Variants in RPN1 observed in about 807,000 individuals in gnomAD.
The protein encoded by RPN1 is ribophorin I, also known as dolichyl-diphosphooligosaccharide--protein glycosyltransferase subunit 1.
A neutral mutation model predicts 55.5 loss-of-function variants in RPN1; 12 were observed. That is an observed-to-expected ratio of 0.22 (90% CI 0.14 to 0.35). RPN1 has a LOEUF of 0.35. Ranked by LOEUF, RPN1 falls within the 10% of genes least tolerant of loss-of-function variation. The pLI, the probability that RPN1 is intolerant of heterozygous loss-of-function variation, is 1.00. For synonymous variants in RPN1, 317 were observed against 305.9 expected, an observed-to-expected ratio of 1.04 and a Z score of -0.38; for missense variants, 679 against 761.3, an observed-to-expected ratio of 0.89 and a Z score of 1.27.
chr3:128,625,561 A>G lies in RPN1; in HGVS notation c.1368T>C (p.Tyr456=), dbSNP rs765274529. Residue 456 remains tyrosine (Y), a synonymous_variant, in exon 8 of 10, where the codon TAT becomes TAC. Transcript: ENST00000296255. ...FYILFFTVII[Y]VRLDFSITKD... is the part of the protein sequence containing the mutation. Reference sequence around the variant, plus strand: ...TGGTGATGGAGAAGTCCAGCCGAACATAGATGATAACGGTGAAGAACAGGA... The same window carrying G: ...TGGTGATGGAGAAGTCCAGCCGAACGTAGATGATAACGGTGAAGAACAGGA... The G allele has an allele frequency of 1.2e-6, 2 of 1,614,146 alleles. No homozygotes were observed. The highest frequency in any genetic ancestry group is 1.7e-6 in the Non-Finnish European group (2 of 1,180,024).
rs1255836537 is a variant in RPN1 at position 128,650,726 on chromosome 3, G to A, written c.75C>T (p.Ser25=). 3 of 1,560,278 alleles carry A rather than the reference G, an allele frequency of 1.9e-6. No homozygotes were observed. In the South Asian group the frequency reaches 3.5e-5, roughly 18 times the overall value. The change falls in exon 1 of 10, where the codon TCC becomes TCT. Residue 25 remains serine, a synonymous_variant. Transcript: ENST00000296255. ...GTWAPAPGSA[S]SEAPPLINED... ...CATTGATCAGCGGCGGTGCCTCGGAGGAGGCGCTGCCCGGCGCCGGGGCCC... is the reference window on the plus strand; with the variant it reads ...CATTGATCAGCGGCGGTGCCTCGGAAGAGGCGCTGCCCGGCGCCGGGGCCC...
intron 2 of RPN1, among the ~76,000 whole-genome samples, chr3:128,644,272 A>C (rs1319282553): frequency 6.6e-6 from 1 of 152,210 alleles, no homozygotes; most frequent in Non-Finnish European, 1.5e-5. Context: ...GCTTAGGGGA[A>C]TCCAATTTCA....
chr3:128,650,682 A>C lies in RPN1; in HGVS notation c.119T>G (p.Val40Gly). 2 of 1,572,684 alleles carry C rather than the reference A, an allele frequency of 1.3e-6. No individual in the cohort carries two copies. The highest frequency in any genetic ancestry group is 1.7e-6 in the Non-Finnish European group (2 of 1,159,090). ...CTTAGCCAGGTGGCTGCTTAGGTCC[A>C]CTGTGCGCTTCACGTCCTCATTGAT... ...PLINEDVKRT[V>G]DLSSHLAKVT... The change falls in exon 1 of 10, where the codon GTG becomes GGG. Residue 40 changes from valine to glycine, a missense_variant. Val to Gly is a moderately radical substitution (Grantham distance 109). This residue lies in a region of RPN1 where 352 missense variants were observed against 352.8 expected (regional missense o/e 1.00). Transcript: ENST00000296255.
chr3:128,622,427 A>G lies in RPN1; in HGVS notation c.1396-18T>C. ...GCTGGATCCTGAAGGAAGGAGAGGC[A>G]CCATGTGTGACAACATCCAGGCTTG... On this transcript the variant is annotated intron_variant, in intron 8 of 9. Transcript: ENST00000296255. 6.2e-7 allele frequency: 1 copy of G among 1,613,496 alleles called. No homozygotes were observed. Among genetic ancestry groups the G allele is most frequent in the Non-Finnish European group, 8.5e-7 (1 of 1,179,662 alleles).
At chr3:128,632,292 AT>A in intron 3 of RPN1, 135 bp from the exon 4 acceptor site, 1 of 705,542 alleles carries the variant, frequency 1.4e-6, no homozygotes, top group Non-Finnish European at 2.3e-6. Context: ...CGTATGCAAC[AT>A]TTTAAAATTA....
At chr3:128,637,747 C>G in intron 3 of RPN1, 52 bp downstream of exon 3, 1 of 1,567,428 alleles carries the variant, frequency 6.4e-7, no homozygotes, top group Non-Finnish European at 8.7e-7. Flanking sequence ...AGTCACTCTG[C>G]AAGACATTCT....
chr3:128,629,331 C>A (rs1403139386), intron 5 of RPN1, among the ~76,000 whole-genome samples: 1 of 152,092 alleles, frequency 6.6e-6, no homozygotes, highest in East Asian at 1.9e-4. Flanking sequence ...GAGGCCGAGG[C>A]CTGTGGATCA....
chr3:128,627,716 A>G (rs1175263196), intron 5 of RPN1, among the ~76,000 whole-genome samples: 1 of 146,602 alleles, frequency 6.8e-6, no homozygotes, highest in Non-Finnish European at 1.5e-5. Context: ...GGTTGCAGTA[A>G]GCTGAGATTG....
chr3:128,630,683 CTG>C (rs757706824), intron 4 of RPN1, among the ~76,000 whole-genome samples: 13 of 151,796 alleles, frequency 8.6e-5, no homozygotes, highest in Non-Finnish European at 1.0e-4. Flanking sequence ...GATTTAAAAA[CTG>C]TATATGCAAT....
At chr3:128,646,747 G>A (rs1321170044) in intron 1 of RPN1, among the ~76,000 whole-genome samples, 1 of 151,704 alleles carries the variant, frequency 6.6e-6, no homozygotes, top group African/African-American at 2.4e-5. Flanking sequence ...ATTTTGAGAG[G>A]CCAATCACCT....
chr3:128,632,222 AGATT>A, intron 3 of RPN1, 65 bp from the exon 4 acceptor site: 1 of 1,462,652 alleles, frequency 6.8e-7, no homozygotes, highest in Non-Finnish European at 9.5e-7. Flanking sequence ...AGTTTAAATC[AGATT>A]GATTGGAGAC....
chr3:128,649,477 T>C (rs1383956381), intron 1 of RPN1, among the ~76,000 whole-genome samples: 1 of 152,190 alleles, frequency 6.6e-6, no homozygotes, highest in Non-Finnish European at 1.5e-5. Flanking sequence ...GGACAACGCA[T>C]GAAAGAAAAT....
intron 1 of RPN1, 37 bp downstream of exon 1, chr3:128,650,503 G>A (rs987303869): frequency 4.2e-5 from 63 of 1,509,048 alleles, no homozygotes; most frequent in Non-Finnish European, 5.1e-5. Context: ...GGCGGGAAGG[G>A]TCCCGGGAGC....
chr3:128,634,870 C>T (rs149006580), intron 3 of RPN1, among the ~76,000 whole-genome samples: 64 of 152,062 alleles, frequency 4.2e-4, no homozygotes, highest in Middle Eastern at 3.4e-3. Flanking sequence ...CTCTCATGAA[C>T]GTTCTATTAA....
In RPN1 at chr3:128,632,229, T is replaced by C. The variant is rs1023089041; in HGVS notation, c.634-72A>G. 3.7e-5 allele frequency: 52 copies of C among 1,390,920 alleles called. 1 individual carries two copies. In the Middle Eastern group the frequency reaches 1.4e-3, roughly 39 times the overall value. 86.2% of individuals were successfully genotyped at this position (1,390,920 alleles called of 1,614,324 possible). On this transcript the variant is annotated intron_variant, in intron 3 of 9. Coordinates refer to ENST00000296255, the MANE Select transcript of RPN1 (RefSeq NM_002950.4). ...GCACCATTAGTTTAAATCAGATTGATTGGAGACAACCTATATATCAGCAAC... is the reference window on the plus strand; with the variant it reads ...GCACCATTAGTTTAAATCAGATTGACTGGAGACAACCTATATATCAGCAAC...
chr3:128,643,165 A>G (rs2069740395), intron 2 of RPN1, among the ~76,000 whole-genome samples: 1 of 148,678 alleles, frequency 6.7e-6, no homozygotes, highest in African/African-American at 2.4e-5. Context: ...CATCTCTACT[A>G]AAAATACAAA....
At chr3:128,638,637 G>A (rs1303060645) in intron 2 of RPN1, among the ~76,000 whole-genome samples, 1 of 152,076 alleles carries the variant, frequency 6.6e-6, no homozygotes, top group Non-Finnish European at 1.5e-5. Context: ...CTGCCACCAT[G>A]TCCTGTTAAT....
intron 1 of RPN1, among the ~76,000 whole-genome samples, chr3:128,646,871 G>A (rs908550215): frequency 1.3e-5 from 2 of 151,736 alleles, no homozygotes; most frequent in Admixed American, 1.3e-4. Flanking sequence ...TACTTGGGAG[G>A]CTGAGGCAGG....
intron 3 of RPN1, among the ~76,000 whole-genome samples, chr3:128,632,401 G>A (rs1460335605): frequency 6.6e-6 from 1 of 152,172 alleles, no homozygotes; most frequent in African/African-American, 2.4e-5. Flanking sequence ...GTCTGGAGCT[G>A]ATTGTATTAG....
Sources: allele counts gnomAD v4.1 joint callset (sites outside exome capture counted in the v4.1 genomes callset), GRCh38; gene constraint gnomAD v4.1.1; regional missense constraint gnomAD v4.1.1; transcripts MANE v1.5; gene names NCBI Gene and HGNC (gene_info 2026-07-23, HGNC 2026-07-21).